The following GABRG3 variants were observed in gnomAD, a reference collection of about 807,000 sequenced individuals.
GABRG3 encodes the protein gamma-aminobutyric acid receptor subunit gamma-3.
In GABRG3, 25 loss-of-function variants were observed where a neutral mutation model predicts 48.8. The ratio of observed to expected loss-of-function variants is 0.51; its 90% CI spans 0.37 to 0.72. The LOEUF is 0.72. Among genes scored for constraint, GABRG3 ranks in the 30% least tolerant of loss-of-function variants. The probability of loss-of-function intolerance (pLI) is 0.00; values close to 1 mark genes in which losing one functional copy is unlikely to be tolerated. For synonymous variants in GABRG3, 227 were observed against 217.6 expected (o/e 1.04, Z -0.38); for missense variants, 394 against 577.9 (o/e 0.68, Z 3.26).
chr15:27,391,751 G>C (rs562025887), intron 5 of GABRG3, among the ~76,000 whole-genome samples: 9 of 152,288 alleles, frequency 5.9e-5, no homozygotes, highest in Admixed American at 2.6e-4. Context: ...AACTGGACCA[G>C]GCTTCTATTT....
chr15:27,479,614 G>A (rs1343409713), intron 5 of GABRG3, among the ~76,000 whole-genome samples: 2 of 152,216 alleles, frequency 1.3e-5, no homozygotes, highest in Non-Finnish European at 2.9e-5. Flanking sequence ...ATACATATGT[G>A]TGCACTAAGG....
Position 26,975,172 on chromosome 15 carries a change from C to T in GABRG3, c.54-1830C>T, listed in dbSNP as rs919450123. Among the ~76,000 whole-genome samples, 3 of 152,072 alleles carry T rather than the reference C, an allele frequency of 2.0e-5. No homozygotes were observed. The highest frequency in any genetic ancestry group is 3.9e-4 in the East Asian group (2 of 5,188). ...GATTACAGGCGTGAACAACCATGCC[C>T]GGCCAGATGACATGAAATATTTTAG... On this transcript the variant is annotated intron_variant, in intron 1 of 9. Coordinates refer to ENST00000615808, the MANE Select transcript of GABRG3 (RefSeq NM_033223.5). This position sits in a 1 kb window ranked among gnomAD's most constrained non-coding sequence, Gnocchi z 4.6.
chr15:27,430,989 C>CCATA (rs1555381406), intron 5 of GABRG3, among the ~76,000 whole-genome samples: 1 of 141,158 alleles, frequency 7.1e-6, no homozygotes, highest in African/African-American at 2.6e-5. Flanking sequence ...GTCCCTGTCT[C>CCATA]AATAAATAAA....
intron 5 of GABRG3, among the ~76,000 whole-genome samples, chr15:27,389,879 C>A (rs932782527): frequency 6.6e-6 from 1 of 152,150 alleles, no homozygotes; most frequent in Non-Finnish European, 1.5e-5. Flanking sequence ...GCAAAATATG[C>A]GGGCATAAAA....
intron 2 of GABRG3, among the ~76,000 whole-genome samples, chr15:26,987,294 C>G (rs2140643593): frequency 6.6e-6 from 1 of 152,332 alleles, no homozygotes; most frequent in South Asian, 2.1e-4. Flanking sequence ...GCTTCTGTTT[C>G]GGGTTGGTTT....
At chr15:27,069,387 C>T (rs1202155429) in intron 3 of GABRG3, among the ~76,000 whole-genome samples, 1 of 152,202 alleles carries the variant, frequency 6.6e-6, no homozygotes, top group Non-Finnish European at 1.5e-5. Flanking sequence ...TCTCCTGTCT[C>T]AATTGCTGTG....
intron 3 of GABRG3, among the ~76,000 whole-genome samples, chr15:27,150,833 A>G (rs530513179): frequency 2.6e-5 from 4 of 152,276 alleles, no homozygotes; most frequent in Admixed American, 2.6e-4. Context: ...GGGGTTGGGA[A>G]AGGAACAGGC....
At chr15:26,997,549 T>G (rs1895365295) in intron 2 of GABRG3, among the ~76,000 whole-genome samples, 1 of 152,214 alleles carries the variant, frequency 6.6e-6, no homozygotes, top group Non-Finnish European at 1.5e-5. Flanking sequence ...TCCCAAGAAG[T>G]CTACTTCCCC....
At chr15:27,399,794 T>C (rs1251292389) in intron 5 of GABRG3, among the ~76,000 whole-genome samples, 1 of 152,140 alleles carries the variant, frequency 6.6e-6, no homozygotes, top group Non-Finnish European at 1.5e-5. Flanking sequence ...TTCCTCTGAA[T>C]GATGACAGTA....
intron 2 of GABRG3, among the ~76,000 whole-genome samples, chr15:26,985,002 C>T (rs1002381480): frequency 9.9e-5 from 15 of 152,232 alleles, no homozygotes; most frequent in Admixed American, 2.6e-4. Context: ...CAAGTGTTTG[C>T]ATATCTGAAC....
At chr15:27,082,648 G>A (rs921891292) in intron 3 of GABRG3, among the ~76,000 whole-genome samples, 11 of 152,212 alleles carry the variant, frequency 7.2e-5, no homozygotes, top group African/African-American at 2.4e-4. Context: ...GAGTCATTCC[G>A]TAGTTGCAGA....
intron 5 of GABRG3, chr15:27,350,073 A>C: frequency 2.2e-6 from 1 of 455,852 alleles, no homozygotes; most frequent in South Asian, 1.5e-5. Flanking sequence ...AAAATCTCTA[A>C]TTTAGATAAA....
chr15:27,361,605 G>T (rs1895026561), intron 5 of GABRG3, among the ~76,000 whole-genome samples: 2 of 152,230 alleles, frequency 1.3e-5, no homozygotes, highest in African/African-American at 2.4e-5. Context: ...GACCTCGCCT[G>T]TTGGCTCAGA....
rs576483397 is a variant in GABRG3, at chr15:27,260,950, A to G, written c.271-65859A>G. ...GACAGAAAGAGGAAATCACGGGGAA[A>G]CGCACAGGATGCATGGAAATACAAG... is the stretch of plus-strand genomic sequence containing the variant. On this transcript the variant is annotated intron_variant, in intron 3 of 9. Transcript: ENST00000615808. 6.6e-5 allele frequency among the ~76,000 whole-genome samples: 10 copies of G among 152,266 alleles called. No homozygotes were observed. In the South Asian group the frequency reaches 1.9e-3, roughly 28 times the overall value.
At chr15:27,298,165 G>A (rs1892067442) in intron 3 of GABRG3, among the ~76,000 whole-genome samples, 1 of 152,092 alleles carries the variant, frequency 6.6e-6, no homozygotes, top group Non-Finnish European at 1.5e-5. Flanking sequence ...CAAAGGCAGA[G>A]ATTATCAGAC....
intron 3 of GABRG3, among the ~76,000 whole-genome samples, chr15:27,050,152 T>C (rs1222864154): frequency 6.6e-6 from 1 of 152,156 alleles, no homozygotes; most frequent in Non-Finnish European, 1.5e-5. Context: ...TGAGATTTAG[T>C]CTCTATATTG....
chr15:27,001,002 A>T (rs1895435821), intron 2 of GABRG3, among the ~76,000 whole-genome samples: 1 of 152,192 alleles, frequency 6.6e-6, no homozygotes, highest in African/African-American at 2.4e-5. Context: ...GGATGGTTAC[A>T]AGTAGTCTTC....
At chr15:27,056,146 C>T (rs115847080) in intron 3 of GABRG3, among the ~76,000 whole-genome samples, 2,588 of 151,544 alleles carry the variant, frequency 0.017, 88 homozygotes, top group African/African-American at 0.059. Flanking sequence ...TCCAGGAGTT[C>T]GAGATCAGCC....
At chr15:27,433,442 T>TTC (rs1038508657) in intron 5 of GABRG3, among the ~76,000 whole-genome samples, 1 of 152,200 alleles carries the variant, frequency 6.6e-6, no homozygotes, top group African/African-American at 2.4e-5. Context: ...CCCCTGGACA[T>TTC]TCTCCTTCAG....
Sources: allele counts gnomAD v4.1 joint callset (sites outside exome capture counted in the v4.1 genomes callset), GRCh38; gene constraint gnomAD v4.1.1; non-coding constraint Gnocchi (gnomAD v3.1); transcripts MANE v1.5; gene names NCBI Gene and HGNC (gene_info 2026-07-23, HGNC 2026-07-21).